Variants in LOC131768270 observed in about 807,000 individuals in gnomAD.
the LOC131768270 span, chr5:140,568,009 C>CT: frequency 1.9e-6 from 3 of 1,613,990 alleles, no homozygotes; most frequent in Non-Finnish European, 2.5e-6. Flanking sequence ...TCACACGCCT[C>CT]TTTGTGGTGT....
chr5:140,568,040 G>A, the LOC131768270 span: 27 of 1,613,820 alleles, frequency 1.7e-5, no homozygotes, highest in Non-Finnish European at 2.1e-5. Flanking sequence ...GGTGGTCAAC[G>A]CCGTGCTCTC....
the LOC131768270 span, chr5:140,565,671 TCTGTCAGTCC>T: frequency 2.7e-6 from 1 of 368,000 alleles, no homozygotes; most frequent in Non-Finnish European, 4.8e-6. Context: ...TCAGATCCCA[TCTGTCAGTCC>T]CTTCCTGGCC....
the LOC131768270 span, chr5:140,568,145 T>A: frequency 6.2e-7 from 1 of 1,613,772 alleles, no homozygotes; most frequent in East Asian, 2.2e-5. Flanking sequence ...CAGCCGCTAG[T>A]CCCTGACAAC....
At chr5:140,568,055 G>A in the LOC131768270 span, 6 of 1,614,012 alleles carry the variant, frequency 3.7e-6, no homozygotes, top group Non-Finnish European at 4.2e-6. Flanking sequence ...GCTCTCAGCA[G>A]TCCTGCTACG....
the LOC131768270 span, chr5:140,567,784 C>T: frequency 6.2e-7 from 1 of 1,614,126 alleles, no homozygotes; most frequent in Non-Finnish European, 8.5e-7. Context: ...CGTCAGTGTA[C>T]ACAGAGCTGC....
chr5:140,568,399 A>G, the LOC131768270 span: 1 of 583,908 alleles, frequency 1.7e-6, no homozygotes, highest in East Asian at 3.1e-5. Context: ...CTTCCAGACT[A>G]AAGAATTAAG....
the LOC131768270 span, chr5:140,565,030 C>T: frequency 2.5e-6 from 1 of 398,052 alleles, no homozygotes; most frequent in Non-Finnish European, 4.4e-6. Flanking sequence ...GGAGAGCATT[C>T]GGCGAGGCGG....
chr5:140,565,800 C>T, the LOC131768270 span: 3 of 397,708 alleles, frequency 7.5e-6, no homozygotes, highest in Non-Finnish European at 4.4e-6. Flanking sequence ...CTCCCAATTC[C>T]CAGCTTCTGA....
At chr5:140,568,382 C>T in the LOC131768270 span, 19 of 611,702 alleles carry the variant, frequency 3.1e-5, no homozygotes, top group Non-Finnish European at 5.5e-5. Context: ...CCACCCCCAA[C>T]CAAGTTCTTC....
chr5:140,565,646 A>G, the LOC131768270 span: 2 of 340,352 alleles, frequency 5.9e-6, no homozygotes, highest in African/African-American at 4.2e-5. Flanking sequence ...GTCAAGGTTG[A>G]TGTAAGTTAC....
chr5:140,566,382 G>A, the LOC131768270 span, among the ~76,000 whole-genome samples: 1 of 152,158 alleles, frequency 6.6e-6, no homozygotes, highest in African/African-American at 2.4e-5. Context: ...TTCTGAGATT[G>A]TGTGATCAGA....
At chr5:140,566,192 A>C in the LOC131768270 span, among the ~76,000 whole-genome samples, 1 of 152,182 alleles carries the variant, frequency 6.6e-6, no homozygotes, top group African/African-American at 2.4e-5. Flanking sequence ...AGAACAGCAT[A>C]TGTAAAGGCC....
chr5:140,568,497 T>G, the LOC131768270 span: 1 of 301,936 alleles, frequency 3.3e-6, no homozygotes, highest in Non-Finnish European at 6.6e-6. Flanking sequence ...TTGATGAAAG[T>G]GGGGTGTGGG....
At chr5:140,567,253 C>T in the LOC131768270 span, 10 of 1,614,216 alleles carry the variant, frequency 6.2e-6, no homozygotes, top group East Asian at 8.9e-5. Flanking sequence ...TATCCACTGC[C>T]ATGTACGGTG....
At chr5:140,567,085 C>T in the LOC131768270 span, 1 of 1,599,394 alleles carries the variant, frequency 6.3e-7, no homozygotes, top group Non-Finnish European at 8.5e-7. Context: ...GCTTCTCCTT[C>T]CTGGGAGCTG....
chr5:140,565,912 A>G, the LOC131768270 span: 1 of 398,932 alleles, frequency 2.5e-6, no homozygotes, highest in East Asian at 3.6e-5. Flanking sequence ...ATTTCTCAAG[A>G]ACCAGCTGGA....
chr5:140,568,302 G>A, the LOC131768270 span: 1 of 1,203,090 alleles, frequency 8.3e-7, no homozygotes, highest in Non-Finnish European at 1.2e-6. Flanking sequence ...TTCTCTGGAG[G>A]TTGGTGGATG....
At chr5:140,567,249 C>T in the LOC131768270 span, 17 of 1,614,228 alleles carry the variant, frequency 1.1e-5, no homozygotes, top group Non-Finnish European at 1.4e-5. Flanking sequence ...CTCCTATCCA[C>T]TGCCATGTAC....
At chr5:140,568,332 T>C in the LOC131768270 span, 1 of 877,016 alleles carries the variant, frequency 1.1e-6, no homozygotes, top group Non-Finnish European at 1.7e-6. Flanking sequence ...CCCTAGGAGA[T>C]GTGAAGTGTG....
Sources: allele counts gnomAD v4.1 joint callset (sites outside exome capture counted in the v4.1 genomes callset), GRCh38; gene constraint gnomAD v4.1.1; transcripts MANE v1.5.